Variants in TRIM69 observed in about 807,000 individuals in gnomAD.
The protein encoded by TRIM69 is tripartite motif containing 69, also known as E3 ubiquitin-protein ligase TRIM69.
TRIM69 carries 29 observed loss-of-function variants against 37.7 expected under a neutral mutation model. That is an observed-to-expected ratio of 0.77 (90% CI 0.57 to 1.05). TRIM69 has a LOEUF of 1.05. TRIM69 is among the 50% of genes least tolerant of loss of function. TRIM69 has a pLI of 0.00. For missense variants in TRIM69, 596 were observed against 579.9 expected, an observed-to-expected ratio of 1.03 and a Z score of -0.28; for synonymous variants, 209 against 212.4, an observed-to-expected ratio of 0.98 and a Z score of 0.14.
At chr15:44,748,110 A>T (rs948663062) in intron 1 of TRIM69, among the ~76,000 whole-genome samples, 1 of 152,218 alleles carries the variant, frequency 6.6e-6, no homozygotes, top group African/African-American at 2.4e-5. Context: ...TCTGAGCTCC[A>T]GTTTTCCTCT....
intron 3 of TRIM69, chr15:44,757,971 A>G (rs1402520847): frequency 6.5e-6 from 1 of 152,732 alleles, no homozygotes. Context: ...AGATCCAATA[A>G]TTGTTGCAAT....
chr15:44,740,690 A>G (rs1020017154), intron 1 of TRIM69, among the ~76,000 whole-genome samples: 2 of 151,414 alleles, frequency 1.3e-5, no homozygotes, highest in African/African-American at 4.9e-5. Context: ...AACAGACTTT[A>G]AACCAACAAA....
Position 44,759,889 on chromosome 15 carries a change from A to C in TRIM69, c.961+17A>C, listed in dbSNP as rs1219994763. The C allele has an allele frequency of 1.2e-6, 2 of 1,604,016 alleles. No homozygotes were observed. Among genetic ancestry groups the C allele is most frequent in the Non-Finnish European group, 1.7e-6 (2 of 1,172,734 alleles). Reference sequence around the variant, plus strand: ...TCTGCCCAGGTATCAGTGGGTAGTAACTATTGGTTCTTGAGGCTCCTAATC... The same window carrying C: ...TCTGCCCAGGTATCAGTGGGTAGTACCTATTGGTTCTTGAGGCTCCTAATC... On this transcript the variant is annotated intron_variant, in intron 6 of 6. Coordinates refer to ENST00000329464, the MANE Select transcript of TRIM69 (RefSeq NM_182985.5).
intron 1 of TRIM69, among the ~76,000 whole-genome samples, chr15:44,743,323 T>A (rs985205032): frequency 6.6e-6 from 1 of 152,154 alleles, no homozygotes; most frequent in African/African-American, 2.4e-5. Flanking sequence ...TCAAGACTGA[T>A]TAAAGACTTA....
At chr15:44,758,473 A>T in intron 3 of TRIM69, 148 bp from the exon 4 acceptor site, 1 of 1,187,764 alleles carries the variant, frequency 8.4e-7, no homozygotes, top group Non-Finnish European at 1.2e-6. Context: ...GACTCATTTT[A>T]GTATGACTGA....
chr15:44,755,447 T>G (rs1429058862), intron 2 of TRIM69, 71 bp downstream of exon 2: 5 of 1,101,690 alleles, frequency 4.5e-6, no homozygotes, highest in Non-Finnish European at 6.7e-6. Context: ...GCTTCTTCTT[T>G]CTTCCAACCC....
intron 4 of TRIM69, 100 bp from the exon 5 acceptor site, chr15:44,759,540 G>C (rs564121943): frequency 4.1e-6 from 5 of 1,215,326 alleles, no homozygotes; most frequent in South Asian, 1.3e-5. Flanking sequence ...AGATGAGTTC[G>C]GGACCATCTG....
chr15:44,750,525 G>C (rs190221566), intron 1 of TRIM69, among the ~76,000 whole-genome samples: 1 of 151,956 alleles, frequency 6.6e-6, no homozygotes, highest in East Asian at 1.9e-4. Flanking sequence ...TCATTTGTTG[G>C]CATACAATTG....
At chr15:44,766,246 T>C (rs2087885777) in intron 6 of TRIM69, among the ~76,000 whole-genome samples, 1 of 152,202 alleles carries the variant, frequency 6.6e-6, no homozygotes, top group Non-Finnish European at 1.5e-5. Flanking sequence ...GCTATGAAAG[T>C]TTTTAAAAGT....
intron 3 of TRIM69, chr15:44,758,361 A>G (rs1258374493): frequency 1.8e-6 from 1 of 557,086 alleles, no homozygotes; most frequent in Non-Finnish European, 3.2e-6. Flanking sequence ...TTAATATGGC[A>G]TTGGTTACCA....
intron 6 of TRIM69, among the ~76,000 whole-genome samples, chr15:44,760,203 G>C (rs2087747304): frequency 6.6e-6 from 1 of 152,210 alleles, no homozygotes; most frequent in African/African-American, 2.4e-5. Context: ...TCTGAAGAAG[G>C]AGGAGGTTTC....
rs536314718 is a variant in TRIM69 at position 44,741,373 on chromosome 15, C to T, written c.6+4663C>T. On this transcript the variant is annotated intron_variant, in intron 1 of 6. Transcript: ENST00000329464. ...CCCACAAGAGAAAGCAGGAAAGATC[C>T]GAAATTGACACCCTAACATCACAAT... Among the ~76,000 whole-genome samples the T allele has an allele frequency of 7.1e-3, 1,076 of 151,696 alleles. 13 individuals are homozygous for T. Among genetic ancestry groups the T allele is most frequent in the African/African-American group, 0.025 (1,011 of 41,248 alleles).
At chr15:44,766,109 A>C (rs2141152485) in intron 6 of TRIM69, among the ~76,000 whole-genome samples, 1 of 152,348 alleles carries the variant, frequency 6.6e-6, no homozygotes, top group South Asian at 2.1e-4. Context: ...TCTGTCATGG[A>C]CTGATACTTT....
chr15:44,745,080 A>C (rs1030724675), intron 1 of TRIM69, among the ~76,000 whole-genome samples: 47 of 152,174 alleles, frequency 3.1e-4, no homozygotes, highest in African/African-American at 1.1e-3. Context: ...AAAAAAAAAA[A>C]AAAAACCTGA....
At chr15:44,740,316 C>A (rs1219889288) in intron 1 of TRIM69, among the ~76,000 whole-genome samples, 6 of 152,218 alleles carry the variant, frequency 3.9e-5, no homozygotes, top group Non-Finnish European at 5.9e-5. Context: ...CTCTAAAAAG[C>A]AGAGCGCCTC....
chr15:44,748,397 C>T (rs550058841), intron 1 of TRIM69, among the ~76,000 whole-genome samples: 3 of 152,304 alleles, frequency 2.0e-5, no homozygotes, highest in East Asian at 1.9e-4. Context: ...TGTTTATTTA[C>T]ACCATTAGAC....
intron 6 of TRIM69, 62 bp from the exon 7 acceptor site, chr15:44,767,169 T>C: frequency 1.5e-6 from 2 of 1,377,920 alleles, no homozygotes; most frequent in South Asian, 1.3e-5. Context: ...TATCTTTTAC[T>C]GTGGGAATTT....
At chr15:44,743,443 C>G (rs1368288075) in intron 1 of TRIM69, among the ~76,000 whole-genome samples, 8 of 152,172 alleles carry the variant, frequency 5.3e-5, no homozygotes, top group African/African-American at 1.9e-4. Context: ...GCAAGGGCAA[C>G]AAAAGCCAAA....
chr15:44,736,891 A>G (rs2087174089), intron 1 of TRIM69, among the ~76,000 whole-genome samples, 181 bp downstream of exon 1: 1 of 152,226 alleles, frequency 6.6e-6, no homozygotes, highest in East Asian at 1.9e-4. Flanking sequence ...GATAATTTAT[A>G]CTAGAGAAGC....
Sources: allele counts gnomAD v4.1 joint callset (sites outside exome capture counted in the v4.1 genomes callset), GRCh38; gene constraint gnomAD v4.1.1; transcripts MANE v1.5; gene names NCBI Gene and HGNC (gene_info 2026-07-23, HGNC 2026-07-21).